The following TET1 variants were observed in gnomAD, a reference collection of about 807,000 sequenced individuals.
TET1 encodes the protein tet methylcytosine dioxygenase 1, also known as methylcytosine dioxygenase TET1.
A neutral mutation model predicts 148.7 loss-of-function variants in TET1; 13 were observed. That is an observed-to-expected ratio of 0.09 (90% CI 0.06 to 0.14). The LOEUF (loss-of-function observed/expected upper bound fraction) is 0.14. TET1 is among the 10% of genes least tolerant of loss of function. The pLI is 1.00. For missense variants in TET1, 2,182 were observed against 2,553.8 expected, an observed-to-expected ratio of 0.85 and a Z score of 3.14; for synonymous variants, 907 against 937.2, an observed-to-expected ratio of 0.97 and a Z score of 0.59.
chr10:68,622,327 T>C (rs2054389322), intron 3 of TET1, among the ~76,000 whole-genome samples: 1 of 148,842 alleles, frequency 6.7e-6, no homozygotes, highest in Non-Finnish European at 1.5e-5. Context: ...TGCAGTGGCA[T>C]GATCTCGGGT....
In TET1 at chr10:68,624,099, C is replaced by CTTTTTT. The variant is rs773374173; in HGVS notation, c.1969-20595_1969-20594insTTTTTT. On this transcript the variant is annotated intron_variant, in intron 3 of 11. Coordinates refer to ENST00000373644, the MANE Select transcript of TET1 (RefSeq NM_030625.3). ...TATTTTCTTTTTTCTTTCTTTCTTT[C>CTTTTTT]TTTTCTTTTTTTTTTGAAATGGAGT... Among the ~76,000 whole-genome samples the CTTTTTT allele has an allele frequency of 4.9e-4, 73 of 148,130 alleles. 1 individual carries two copies. The highest frequency in any genetic ancestry group is 2.1e-3 in the Admixed American group (31 of 14,650).
intron 2 of TET1, among the ~76,000 whole-genome samples, chr10:68,594,531 G>T (rs2053956179): frequency 6.6e-6 from 1 of 152,110 alleles, no homozygotes; most frequent in East Asian, 1.9e-4. Flanking sequence ...CAGGGAAAGG[G>T]GTCAGGGAGA....
rs558253729 is a variant in TET1 at position 68,632,384 on chromosome 10, C to T, written c.1969-12314C>T. On this transcript the variant is annotated intron_variant, in intron 3 of 11. Transcript: ENST00000373644. ...GGAGTAGTCCTCATGGCCTCCACGC[C>T]GGAGCCCGGTGAGCCCGAGGAGAGG... The T allele has an allele frequency of 9.3e-6, 15 of 1,606,470 alleles. No homozygotes were observed. In the East Asian group the frequency reaches 2.7e-4, roughly 29 times the overall value.
intron 3 of TET1, among the ~76,000 whole-genome samples, chr10:68,610,167 C>T (rs2054186274): frequency 6.6e-6 from 1 of 151,940 alleles, no homozygotes; most frequent in Admixed American, 6.6e-5. Flanking sequence ...CCTGTAGTCC[C>T]AGCTACTTGG....
intron 2 of TET1, among the ~76,000 whole-genome samples, chr10:68,598,439 TAAAA>T (rs968325743): frequency 1.3e-5 from 2 of 151,936 alleles, no homozygotes; most frequent in Non-Finnish European, 2.9e-5. Context: ...CATCACAATT[TAAAA>T]AAAAATCACC....
At chr10:68,668,002 A>G (rs1447186913) in intron 7 of TET1, among the ~76,000 whole-genome samples, 23 of 152,180 alleles carry the variant, frequency 1.5e-4, no homozygotes, top group Admixed American at 1.5e-3. Context: ...AAATGACATC[A>G]GTGTAATTTT....
At position 68,651,886 on chromosome 10, in the gene TET1, C is replaced by T. The variant is rs758732313; in HGVS notation, c.4317C>T (p.His1439=). The part of the protein sequence containing the change: ...IQKDKGPYYT[H]LGAGPSVAAV... Reference sequence around the variant, plus strand: ...AAGACAAAGGCCCATATTATACACACCTTGGGGCAGGACCAAGTGTTGCTG... The same window carrying T: ...AAGACAAAGGCCCATATTATACACATCTTGGGGCAGGACCAAGTGTTGCTG... The change falls in exon 5 of 12, where the codon CAC becomes CAT. Residue 1439 remains histidine, a synonymous_variant. Coordinates refer to ENST00000373644, the MANE Select transcript of TET1 (RefSeq NM_030625.3). The T allele has an allele frequency of 5.0e-6, 8 of 1,613,956 alleles. No homozygotes were observed. In the South Asian group the frequency reaches 7.7e-5, roughly 16 times the overall value.
At chr10:68,593,377 G>T (rs1589059004) in intron 2 of TET1, among the ~76,000 whole-genome samples, 1 of 151,926 alleles carries the variant, frequency 6.6e-6, no homozygotes, top group Admixed American at 6.6e-5. Flanking sequence ...TTCTTTTAAG[G>T]TTCTTCAATA....
chr10:68,646,855 T>C lies in TET1; in HGVS notation c.4126T>C (p.Cys1376Arg). ...TTCTACCAAAAGTGAAGAGGAAGTCTGTTCATCCAGTTTTGGAACATCAGA... is the reference window on the plus strand; with the variant it reads ...TTCTACCAAAAGTGAAGAGGAAGTCCGTTCATCCAGTTTTGGAACATCAGA... ...VVSTKSEEEV[C>R]SSSFGTSEFS... Residue 1376 changes from cysteine (C) to arginine (R), a missense_variant, in exon 4 of 12, where the codon TGT becomes CGT. By Grantham distance (180) the Cys-to-Arg change is radical. This residue lies in a region of TET1 where 169 missense variants were observed against 263.7 expected (regional missense o/e 0.64). Coordinates refer to ENST00000373644, the MANE Select transcript of TET1 (RefSeq NM_030625.3). 2 of 1,614,212 alleles carry C rather than the reference T, an allele frequency of 1.2e-6. No homozygotes were observed. Among genetic ancestry groups the C allele is most frequent in the Non-Finnish European group, 1.7e-6 (2 of 1,180,038 alleles).
intron 2 of TET1, among the ~76,000 whole-genome samples, chr10:68,578,180 T>C (rs1258475394): frequency 6.6e-6 from 1 of 152,208 alleles, no homozygotes; most frequent in Non-Finnish European, 1.5e-5. Flanking sequence ...AGAGGATTGC[T>C]TGAGCCCAAG....
intron 3 of TET1, among the ~76,000 whole-genome samples, chr10:68,616,322 A>G (rs1336008424): frequency 6.6e-6 from 1 of 150,576 alleles, no homozygotes; most frequent in African/African-American, 2.4e-5. Context: ...ATTTTTGAAG[A>G]ATTTCCCTCA....
At chr10:68,564,156 C>CCTTTTTTTT (rs753340157) in intron 1 of TET1, among the ~76,000 whole-genome samples, 1 of 138,002 alleles carries the variant, frequency 7.2e-6, no homozygotes, top group African/African-American at 2.6e-5. Context: ...CTATTGTTTT[C>CCTTTTTTTT]TTTTTTTTTT....
At chr10:68,583,655 G>A (rs2053826815) in intron 2 of TET1, among the ~76,000 whole-genome samples, 1 of 152,200 alleles carries the variant, frequency 6.6e-6, no homozygotes, top group Non-Finnish European at 1.5e-5. Context: ...GCTCTCGCCT[G>A]TAATCCCAGC....
Position 68,646,091 on chromosome 10 carries a change from G to A in TET1, c.3362G>A (p.Gly1121Asp). The change falls in exon 4 of 12, where the codon GGC becomes GAC. Residue 1121 changes from glycine (G) to aspartate (D), a missense_variant. Coordinates refer to ENST00000373644, the MANE Select transcript of TET1 (RefSeq NM_030625.3). ...NVQQKYNQEK[G>D]TIQQKPPSSV... is the part of the protein sequence containing the mutation. ...CAGCAAAAATACAATCAGGAGAAGG[G>A]CACAATACAACAGAAACCACCTTCA... 2 of 1,613,928 alleles carry A rather than the reference G, an allele frequency of 1.2e-6. No individual in the cohort carries two copies. Among genetic ancestry groups the A allele is most frequent in the Non-Finnish European group, 1.7e-6 (2 of 1,179,984 alleles).
chr10:68,654,474 G>A (rs1425708267), intron 6 of TET1, among the ~76,000 whole-genome samples: 8 of 151,942 alleles, frequency 5.3e-5, no homozygotes, highest in East Asian at 1.9e-4. Context: ...AAAATTAGCC[G>A]GGCGTGGTGG....
intron 3 of TET1, among the ~76,000 whole-genome samples, chr10:68,611,679 TTTTC>T (rs1305875244): frequency 5.0e-5 from 4 of 79,596 alleles, no homozygotes; most frequent in Non-Finnish European, 1.3e-4. Flanking sequence ...CTTTTCTTTC[TTTTC>T]TTTTCTTTTC....
At chr10:68,581,683 A>G (rs2053799856) in intron 2 of TET1, among the ~76,000 whole-genome samples, 2 of 152,116 alleles carry the variant, frequency 1.3e-5, no homozygotes, top group Admixed American at 6.6e-5. Flanking sequence ...TTCTCCAAAA[A>G]AATACAAAAA....
At chr10:68,621,101 G>A (rs886693537) in intron 3 of TET1, among the ~76,000 whole-genome samples, 2 of 152,132 alleles carry the variant, frequency 1.3e-5, no homozygotes, top group African/African-American at 4.8e-5. Flanking sequence ...TTTTGGTTGT[G>A]TTCAGTTTAT....
intron 3 of TET1, among the ~76,000 whole-genome samples, chr10:68,626,753 T>C (rs1038660468): frequency 3.0e-4 from 45 of 151,772 alleles, no homozygotes; most frequent in Admixed American, 3.3e-4. Context: ...GGCTTCACCA[T>C]GTTAGTCAGG....
Sources: allele counts gnomAD v4.1 joint callset (sites outside exome capture counted in the v4.1 genomes callset), GRCh38; gene constraint gnomAD v4.1.1; regional missense constraint gnomAD v4.1.1; transcripts MANE v1.5; gene names NCBI Gene and HGNC (gene_info 2026-07-23, HGNC 2026-07-21).